The following REDIC1 variants were observed in gnomAD, a reference collection of about 807,000 sequenced individuals.
The protein encoded by REDIC1 is HEI10 Interacting Protein 1.
At chr12:39,727,872 C>G in the REDIC1 span, among the ~76,000 whole-genome samples, 1 of 152,214 alleles carries the variant, frequency 6.6e-6, no homozygotes, top group African/African-American at 2.4e-5. Flanking sequence ...CCTTCACATC[C>G]CATGTAATTT....
At chr12:39,763,366 A>T in the REDIC1 span, among the ~76,000 whole-genome samples, 1 of 152,066 alleles carries the variant, frequency 6.6e-6, no homozygotes, top group African/African-American at 2.4e-5. Flanking sequence ...GTCAGAAGAG[A>T]TGGGGAATAG....
At chr12:39,864,647 A>G in the REDIC1 span, 18 of 1,387,792 alleles carry the variant, frequency 1.3e-5, no homozygotes, top group Admixed American at 2.2e-4. Context: ...CCCTTCTTAC[A>G]TAAGCCTGGA....
chr12:39,683,830 G>C, the REDIC1 span, among the ~76,000 whole-genome samples: 1 of 152,002 alleles, frequency 6.6e-6, no homozygotes, highest in Non-Finnish European at 1.5e-5. Flanking sequence ...AAGTCTTATT[G>C]ACATGAAAAA....
chr12:39,862,637 C>T, the REDIC1 span, among the ~76,000 whole-genome samples: 2 of 152,310 alleles, frequency 1.3e-5, no homozygotes, highest in East Asian at 3.9e-4. Context: ...GTGAACTTCA[C>T]TCATCTTAAG....
the REDIC1 span, among the ~76,000 whole-genome samples, chr12:39,747,187 A>G: frequency 1.3e-5 from 2 of 152,238 alleles, no homozygotes; most frequent in African/African-American, 4.8e-5. Context: ...AAAAAAGATT[A>G]GATGAATAGC....
the REDIC1 span, among the ~76,000 whole-genome samples, chr12:39,748,496 C>A: frequency 6.6e-6 from 1 of 152,140 alleles, no homozygotes; most frequent in Non-Finnish European, 1.5e-5. Flanking sequence ...CCACTGTCAA[C>A]ATTAGACAGA....
chr12:39,713,227 T>TATACGTGTATATATGTGTACAC, the REDIC1 span, among the ~76,000 whole-genome samples: 1 of 134,258 alleles, frequency 7.4e-6, no homozygotes, highest in East Asian at 2.3e-4. Flanking sequence ...ATATTACACA[T>TATACGTGTATATATGTGTACAC]ATACGTGTAT....
At chr12:39,868,020 T>A in the REDIC1 span, among the ~76,000 whole-genome samples, 1 of 152,356 alleles carries the variant, frequency 6.6e-6, no homozygotes, top group Non-Finnish European at 1.5e-5. Flanking sequence ...TATTAAAGCA[T>A]AAAACAACTT....
At chr12:39,748,597 C>T in the REDIC1 span, among the ~76,000 whole-genome samples, 1 of 152,200 alleles carries the variant, frequency 6.6e-6, no homozygotes, top group Non-Finnish European at 1.5e-5. Flanking sequence ...ACTCTCCACC[C>T]CAAATCAACA....
chr12:39,826,827 CCTTTATTT>C, the REDIC1 span, among the ~76,000 whole-genome samples: 1 of 102,546 alleles, frequency 9.8e-6, no homozygotes, highest in Non-Finnish European at 2.0e-5. Context: ...TACACTATTT[CCTTTATTT>C]CTTTTAAAGT....
chr12:39,640,890 A>T, the REDIC1 span: 1 of 1,146,844 alleles, frequency 8.7e-7, no homozygotes, highest in Non-Finnish European at 1.3e-6. Context: ...ATTAAGCTAA[A>T]CTGGCAGTTG....
the REDIC1 span, among the ~76,000 whole-genome samples, chr12:39,895,514 T>TTATATA: frequency 1.1e-4 from 6 of 56,650 alleles, no homozygotes; most frequent in African/African-American, 4.6e-4. Flanking sequence ...AAAAAAAAAA[T>TTATATA]TATATATATA....
At chr12:39,880,723 C>T in the REDIC1 span, among the ~76,000 whole-genome samples, 3 of 152,168 alleles carry the variant, frequency 2.0e-5, no homozygotes, top group Non-Finnish European at 4.4e-5. Flanking sequence ...GCCAATGTGA[C>T]CTACCCTCTG....
At chr12:39,712,920 T>TAC in the REDIC1 span, among the ~76,000 whole-genome samples, 1 of 147,600 alleles carries the variant, frequency 6.8e-6, no homozygotes, top group Non-Finnish European at 1.5e-5. Flanking sequence ...TATATACATA[T>TAC]GTGCATATAC....
the REDIC1 span, among the ~76,000 whole-genome samples, chr12:39,732,422 C>T: frequency 4.6e-5 from 7 of 152,154 alleles, no homozygotes; most frequent in African/African-American, 1.2e-4. Context: ...TTAGGAGGCT[C>T]GTAATGTCTG....
the REDIC1 span, among the ~76,000 whole-genome samples, chr12:39,667,295 T>C: frequency 6.6e-6 from 1 of 152,212 alleles, no homozygotes; most frequent in African/African-American, 2.4e-5. Context: ...TCAAAGAATA[T>C]CTTTATTTCT....
At chr12:39,712,852 CATATGTATAT>C in the REDIC1 span, among the ~76,000 whole-genome samples, 1 of 81,530 alleles carries the variant, frequency 1.2e-5, no homozygotes, top group African/African-American at 3.3e-5. Context: ...CGTATATACA[CATATGTATAT>C]ACACGTATAT....
chr12:39,899,912 AT>A, the REDIC1 span, among the ~76,000 whole-genome samples: 1 of 152,052 alleles, frequency 6.6e-6, no homozygotes, highest in Non-Finnish European at 1.5e-5. Flanking sequence ...TATGTGGTCA[AT>A]TTTGGAATAG....
At chr12:39,780,981 T>C in the REDIC1 span, among the ~76,000 whole-genome samples, 1 of 152,198 alleles carries the variant, frequency 6.6e-6, no homozygotes, top group Non-Finnish European at 1.5e-5. Flanking sequence ...AGATGGAAAG[T>C]CATTATCGTA....
Sources: gnomAD v4.1 joint callset for allele counts (sites outside exome capture counted in the v4.1 genomes callset) on GRCh38, gnomAD v4.1.1 for gene constraint, MANE v1.5 for transcripts, NCBI Gene and HGNC (gene_info 2026-07-23, HGNC 2026-07-21) for gene names.